Variants in VPS13A observed in about 807,000 individuals in gnomAD.
VPS13A encodes the protein vacuolar protein sorting 13 homolog A.
Under a neutral mutation model 390.9 loss-of-function variants are expected in VPS13A, and 264 were observed. The ratio of observed to expected loss-of-function variants is 0.68; its 90% CI spans 0.61 to 0.75. The LOEUF is 0.75. VPS13A is among the 30% of genes least tolerant of loss of function. VPS13A has a pLI of 0.00. For synonymous variants in VPS13A, 1,231 were observed against 1,227.1 expected (o/e 1.00, Z -0.07); for missense variants, 3,409 against 3,733.9 (o/e 0.91, Z 2.27).
chr9:77,388,158 A>G (rs1250268025), intron 68 of VPS13A, among the ~76,000 whole-genome samples: 1 of 152,166 alleles, frequency 6.6e-6, no homozygotes, highest in Non-Finnish European at 1.5e-5. Context: ...AATAATAATG[A>G]TGATGGATAT....
At position 77,295,478 on chromosome 9, in the gene VPS13A, C is replaced by G. The variant is rs1827931081; in HGVS notation, c.3508-64C>G. On this transcript the variant is annotated intron_variant, in intron 32 of 71. Coordinates refer to ENST00000360280, the MANE Select transcript of VPS13A (RefSeq NM_033305.3). ...TAAATGGAGGTAAAACCATAAATAT[C>G]AATATATATTTAATAAGTCGTATTT... The G allele has an allele frequency of 5.3e-6, 7 of 1,313,036 alleles. No homozygotes were observed. The East Asian group carries it at 1.5e-4, about 29-fold the overall frequency. 81.3% of individuals were successfully genotyped at this position (1,313,036 alleles called of 1,614,324 possible). A position where few individuals can be genotyped will look rare whatever the true frequency, so the allele number is the denominator to read the frequency against.
At chr9:77,259,944 C>G in intron 22 of VPS13A, 142 bp from the exon 23 acceptor site, 1 of 638,330 alleles carries the variant, frequency 1.6e-6, no homozygotes, top group Non-Finnish European at 2.6e-6. Flanking sequence ...CTGGTTAATA[C>G]GGTAAGACGG....
At chr9:77,253,938 T>G (rs1825293459) in intron 22 of VPS13A, among the ~76,000 whole-genome samples, 1 of 98,422 alleles carries the variant, frequency 1.0e-5, no homozygotes, top group Non-Finnish European at 2.3e-5. Context: ...CCTTTATTCT[T>G]TTTTTTTTTT....
intron 12 of VPS13A, among the ~76,000 whole-genome samples, chr9:77,220,896 T>G (rs1823173515): frequency 6.6e-6 from 1 of 152,130 alleles, no homozygotes; most frequent in Non-Finnish European, 1.5e-5. Flanking sequence ...TCAGTTATTA[T>G]TCAGATGACT....
chr9:77,251,451 A>G lies in VPS13A; in HGVS notation c.2171-784A>G, dbSNP rs75723868. ...AACCAAAAAGATAAACCTTTATGTTACTGCTTAGGCAGGAACACTATTGAT... is the reference window on the plus strand; with the variant it reads ...AACCAAAAAGATAAACCTTTATGTTGCTGCTTAGGCAGGAACACTATTGAT... On this transcript the variant is annotated intron_variant, in intron 21 of 71. Transcript: ENST00000360280. Among the ~76,000 whole-genome samples the G allele has an allele frequency of 5.1e-3, 783 of 152,340 alleles. 4 individuals carry two copies. Among genetic ancestry groups the G allele is most frequent in the Non-Finnish European group, 8.5e-3 (580 of 68,010 alleles).
At chr9:77,226,030 C>T in intron 14 of VPS13A, 42 bp downstream of exon 14, 2 of 1,525,282 alleles carry the variant, frequency 1.3e-6, no homozygotes, top group South Asian at 2.2e-5. Context: ...ATTCTGAATT[C>T]CATATAGATA....
chr9:77,414,475 A>G (rs1333640341), intron 71 of VPS13A, among the ~76,000 whole-genome samples: 1 of 152,122 alleles, frequency 6.6e-6, no homozygotes. Flanking sequence ...CATTCTCAGC[A>G]AACTATCACA....
chr9:77,327,238 C>T (rs980772461), intron 45 of VPS13A, among the ~76,000 whole-genome samples: 1 of 152,128 alleles, frequency 6.6e-6, no homozygotes, highest in Admixed American at 6.6e-5. Flanking sequence ...ATCTGGTCCC[C>T]GTTATTCTAG....
intron 23 of VPS13A, among the ~76,000 whole-genome samples, chr9:77,271,422 A>T (rs1826348037): frequency 6.6e-6 from 1 of 152,198 alleles, no homozygotes. Flanking sequence ...GGTTAAGTAT[A>T]TACTTACCAT....
intron 67 of VPS13A, among the ~76,000 whole-genome samples, chr9:77,380,473 G>A (rs1443645842): frequency 1.3e-5 from 2 of 151,776 alleles, no homozygotes; most frequent in Non-Finnish European, 2.9e-5. Context: ...CACCACGCCC[G>A]GCTAATTTTT....
At chr9:77,407,506 T>A (rs767098593) in intron 70 of VPS13A, 27 bp from the exon 71 acceptor site, 71 of 1,580,558 alleles carry the variant, frequency 4.5e-5, no homozygotes, top group Non-Finnish European at 5.8e-5. Flanking sequence ...ATTATCTTTT[T>A]AATGAATTTA....
Position 77,323,235 on chromosome 9 carries a change from A to G in VPS13A, c.5991+8A>G. 1 of 1,612,806 alleles carries G rather than the reference A, an allele frequency of 6.2e-7. No homozygotes were observed. Among genetic ancestry groups the G allele is most frequent in the Non-Finnish European group, 8.5e-7 (1 of 1,179,112 alleles). ...ATTCGCTCCCCAGTGCAGGTATGAA[A>G]TGATCAATTTTGGGGGATGTCCTGT... On this transcript the variant is annotated splice_region_variant and intron_variant, in intron 45 of 71. Transcript: ENST00000360280.
chr9:77,218,044 G>A (rs57885746), intron 10 of VPS13A, among the ~76,000 whole-genome samples: 2,429 of 151,180 alleles, frequency 0.016, 42 homozygotes, highest in African/African-American at 0.043. Context: ...GTGATGTTGA[G>A]CAGTTTTTCA....
At chr9:77,366,018 T>C (rs554144753) in intron 60 of VPS13A, among the ~76,000 whole-genome samples, 1 of 152,058 alleles carries the variant, frequency 6.6e-6, no homozygotes, top group Non-Finnish European at 1.5e-5. Context: ...ATATATGCAA[T>C]ACAATACAAA....
At chr9:77,332,543 G>C (rs536578436) in intron 46 of VPS13A, among the ~76,000 whole-genome samples, 1 of 151,556 alleles carries the variant, frequency 6.6e-6, no homozygotes, top group South Asian at 2.1e-4. Context: ...ATTGTTCAGG[G>C]TTGGAGTTGT....
intron 1 of VPS13A, among the ~76,000 whole-genome samples, chr9:77,195,838 C>G (rs921475461): frequency 6.6e-6 from 1 of 151,802 alleles, no homozygotes; most frequent in African/African-American, 2.4e-5. Context: ...TTTCTCCCTT[C>G]TGCTAGGTTT....
Position 77,273,508 on chromosome 9 carries a change from A to G in VPS13A, c.2512+144A>G, listed in dbSNP as rs1456702997. The G allele has an allele frequency of 6.2e-6, 4 of 650,340 alleles. No individual in the cohort carries two copies. In the East Asian group the frequency reaches 8.4e-5, roughly 14 times the overall value. 40.3% of individuals were successfully genotyped at this position (650,340 alleles called of 1,614,324 possible). A position where few individuals can be genotyped will look rare whatever the true frequency, so the allele number is the denominator to read the frequency against. ...TAGGTTCTTGACTGAGGCTCTATGA[A>G]TGGAAGACAGATTAACATGAGAAAA... On this transcript the variant is annotated intron_variant, in intron 24 of 71. Coordinates refer to ENST00000360280, the MANE Select transcript of VPS13A (RefSeq NM_033305.3).
intron 46 of VPS13A, 68 bp from the exon 47 acceptor site, chr9:77,337,187 C>A: frequency 7.1e-7 from 1 of 1,418,186 alleles, no homozygotes; most frequent in Non-Finnish European, 9.6e-7. Flanking sequence ...TATTCTAAAG[C>A]TGTAATTATA....
At chr9:77,377,592 C>G (rs944201093) in intron 67 of VPS13A, among the ~76,000 whole-genome samples, 4 of 152,134 alleles carry the variant, frequency 2.6e-5, no homozygotes, top group Admixed American at 1.3e-4. Context: ...TTTCTGCAAT[C>G]TTACTGAACT....
Sources: allele counts gnomAD v4.1 joint callset (sites outside exome capture counted in the v4.1 genomes callset), GRCh38; gene constraint gnomAD v4.1.1; transcripts MANE v1.5; gene names NCBI Gene and HGNC (gene_info 2026-07-23, HGNC 2026-07-21).